Variants in ADAM9 observed in about 807,000 individuals in gnomAD.
ADAM9 encodes the protein ADAM metallopeptidase domain 9, also known as disintegrin and metalloproteinase domain-containing protein 9.
In ADAM9, 54 loss-of-function variants were observed where a neutral mutation model predicts 108.1. The ratio of observed to expected loss-of-function variants is 0.50; its 90% CI spans 0.40 to 0.63. The LOEUF (loss-of-function observed/expected upper bound fraction) is 0.63. Ranked by LOEUF, ADAM9 falls within the 20% of genes least tolerant of loss-of-function variation. The probability of loss-of-function intolerance (pLI) is 0.00; values close to 1 mark genes in which losing one functional copy is unlikely to be tolerated. For synonymous variants in ADAM9, 316 were observed against 336.0 expected (o/e 0.94, Z 0.65); for missense variants, 830 against 997.7 (o/e 0.83, Z 2.26).
rs576802945 is a variant in ADAM9, at chr8:39,091,788, C to T, written c.2298+442C>T. 8.3e-4 allele frequency among the ~76,000 whole-genome samples: 126 copies of T among 152,222 alleles called. 1 individual carries two copies. Among genetic ancestry groups the T allele is most frequent in the African/African-American group, 2.9e-3 (121 of 41,534 alleles). On this transcript the variant is annotated intron_variant, in intron 20 of 21. Transcript: ENST00000487273. ...AGGTATGAGCCACTGTGCCCTGCCC[C>T]CTGAGTTCTTTAAAGGAAAACCAGC...
At chr8:39,071,578 T>TGCCTCA (rs779368607) in intron 15 of ADAM9, among the ~76,000 whole-genome samples, 175 bp downstream of exon 15, 178 of 150,192 alleles carry the variant, frequency 1.2e-3, no homozygotes, top group Non-Finnish European at 2.0e-3. Context: ...GTGATTCCCC[T>TGCCTCA]GCCTCAGCCT....
At position 39,014,442 on chromosome 8, in the gene ADAM9, A is replaced by T. The variant is rs773519298; in HGVS notation, c.333+399A>T. The T allele has an allele frequency of 3.5e-5, 22 of 635,908 alleles. No individual in the cohort carries two copies. In the African/African-American group the frequency reaches 4.1e-4, roughly 12 times the overall value. The allele number at this position is 635,908 out of a possible 1,614,324, so 39.4% of individuals were successfully genotyped here. A position where few individuals can be genotyped will look rare whatever the true frequency, so the allele number is the denominator to read the frequency against. The stretch of plus-strand genomic sequence containing the variant: ...TAAAGAAAAACACTCATTTGATGTT[A>T]TGTGTTCTAATGTTCTAAATTTTTT... On this transcript the variant is annotated intron_variant, in intron 4 of 21. Transcript: ENST00000487273.
chr8:38,999,024 C>G (rs1056052961), intron 1 of ADAM9, among the ~76,000 whole-genome samples: 3 of 151,996 alleles, frequency 2.0e-5, no homozygotes, highest in Non-Finnish European at 4.4e-5. Flanking sequence ...AGGATAGAAT[C>G]TAGGAGGGAG....
chr8:39,053,765 T>C (rs1838028630), intron 12 of ADAM9, among the ~76,000 whole-genome samples: 2 of 151,602 alleles, frequency 1.3e-5, no homozygotes, highest in African/African-American at 2.4e-5. Context: ...TAAAAAAGAG[T>C]GTTCAGCTAG....
Position 39,104,233 on chromosome 8 carries a change from C to A in ADAM9, c.*533C>A, listed in dbSNP as rs1260017090. On this transcript the variant is annotated 3_prime_UTR_variant, in exon 22 of 22. Transcript: ENST00000487273. Reference sequence around the variant, plus strand: ...GTCTGTCACTCACTACATGAATAAGCAAATATTGTCTTCAAAAGAATGCAC... The same window carrying A: ...GTCTGTCACTCACTACATGAATAAGAAAATATTGTCTTCAAAAGAATGCAC... The A allele has an allele frequency of 2.2e-6, 1 of 453,662 alleles. No homozygotes were observed. Among genetic ancestry groups the A allele is most frequent in the Admixed American group, 2.4e-5 (1 of 42,528 alleles). 28.1% of individuals were successfully genotyped at this position (453,662 alleles called of 1,614,324 possible).
intron 2 of ADAM9, among the ~76,000 whole-genome samples, chr8:39,010,457 C>T (rs970926279): frequency 2.0e-5 from 3 of 152,066 alleles, no homozygotes; most frequent in East Asian, 1.9e-4. Flanking sequence ...GCAGATGTGC[C>T]GTGGTGAAGG....
At chr8:39,065,934 A>G (rs138764652) in intron 14 of ADAM9, among the ~76,000 whole-genome samples, 17,175 of 151,946 alleles carry the variant, frequency 0.11, 1,066 homozygotes, top group Admixed American at 0.15. Flanking sequence ...CCGGTGTGTG[A>G]TGTTCCCTTT....
intron 7 of ADAM9, among the ~76,000 whole-genome samples, chr8:39,020,603 G>A (rs781031293): frequency 6.6e-6 from 1 of 152,058 alleles, no homozygotes; most frequent in Non-Finnish European, 1.5e-5. Context: ...GGCTTAAGAT[G>A]GTTAAACTTT....
chr8:39,002,229 A>C (rs770363843), intron 1 of ADAM9, among the ~76,000 whole-genome samples: 2 of 151,812 alleles, frequency 1.3e-5, no homozygotes, highest in Non-Finnish European at 2.9e-5. Flanking sequence ...AAGTACTTAA[A>C]AGTGGCTGTT....
intron 2 of ADAM9, among the ~76,000 whole-genome samples, chr8:39,011,260 C>G (rs1361714378): frequency 6.6e-6 from 1 of 152,132 alleles, no homozygotes; most frequent in Admixed American, 6.5e-5. Flanking sequence ...AGTTGAATTT[C>G]TTTTTAACTT....
chr8:39,060,494 C>T (rs1838265132), intron 14 of ADAM9, among the ~76,000 whole-genome samples: 1 of 152,194 alleles, frequency 6.6e-6, no homozygotes, highest in East Asian at 1.9e-4. Flanking sequence ...AAATGGACCT[C>T]TAAACATTGT....
intron 3 of ADAM9, among the ~76,000 whole-genome samples, chr8:39,012,065 A>G (rs1836373194): frequency 6.6e-6 from 1 of 152,228 alleles, no homozygotes; most frequent in African/African-American, 2.4e-5. Flanking sequence ...TTCTATGCCT[A>G]CTCACATAGA....
chr8:39,067,903 T>C (rs1838538695), intron 14 of ADAM9, among the ~76,000 whole-genome samples: 1 of 152,186 alleles, frequency 6.6e-6, no homozygotes, highest in African/African-American at 2.4e-5. Flanking sequence ...GCTCTTATTA[T>C]TTTGAGATAT....
intron 12 of ADAM9, among the ~76,000 whole-genome samples, chr8:39,048,418 C>G (rs924044946): frequency 1.3e-5 from 2 of 152,074 alleles, no homozygotes; most frequent in African/African-American, 4.8e-5. Flanking sequence ...TTGCTAGTTT[C>G]ATCCATTTTG....
intron 1 of ADAM9, among the ~76,000 whole-genome samples, chr8:39,006,892 C>T (rs565019888): frequency 3.7e-4 from 57 of 152,258 alleles, no homozygotes; most frequent in African/African-American, 1.3e-3. Context: ...AATTTGAAAG[C>T]GTGGCTACAT....
chr8:39,098,922 C>G (rs891323998), intron 20 of ADAM9, among the ~76,000 whole-genome samples: 2 of 151,954 alleles, frequency 1.3e-5, no homozygotes, highest in South Asian at 4.2e-4. Context: ...GGGGCATGGT[C>G]AATCTTTGAT....
chr8:39,021,356 C>T (rs1383243500), intron 7 of ADAM9, among the ~76,000 whole-genome samples: 1 of 152,020 alleles, frequency 6.6e-6, no homozygotes, highest in Non-Finnish European at 1.5e-5. Flanking sequence ...GATCTTGGCT[C>T]ACTGCAACTT....
chr8:39,089,487 C>T (rs1839282237), intron 18 of ADAM9, among the ~76,000 whole-genome samples: 1 of 152,214 alleles, frequency 6.6e-6, no homozygotes, highest in Non-Finnish European at 1.5e-5. Context: ...TTTATTGATA[C>T]AGCATTTCTG....
In ADAM9 at chr8:39,091,315, A is replaced by G. The variant is rs1376939763; in HGVS notation, c.2267A>G (p.His756Arg). The change falls in exon 20 of 22, where the codon CAT (histidine) becomes CGT (arginine). Residue 756 changes from histidine (H) to arginine (R), a missense_variant. Physicochemically the swap from His to Arg is conservative, Grantham distance 29. Coordinates refer to ENST00000487273, the MANE Select transcript of ADAM9 (RefSeq NM_003816.3). ...PSRQPGSVPR[H>R]VSPVTPPREV... ...AGACAGCCGGGGAGTGTTCCTCGAC[A>G]TGTTTCTCCAGTGACACCTCCCAGA... 9 of 1,614,160 alleles carry G rather than the reference A, an allele frequency of 5.6e-6. No individual in the cohort carries two copies. The highest frequency in any genetic ancestry group is 1.1e-5 in the South Asian group (1 of 91,080).
Sources: gnomAD v4.1 joint callset for allele counts (sites outside exome capture counted in the v4.1 genomes callset) on GRCh38, gnomAD v4.1.1 for gene constraint, MANE v1.5 for transcripts, NCBI Gene and HGNC (gene_info 2026-07-23, HGNC 2026-07-21) for gene names.